The following CNNM2 variants were observed in gnomAD, a reference collection of about 807,000 sequenced individuals.
The protein encoded by CNNM2 is metal transporter CNNM2.
In CNNM2, 12 loss-of-function variants were observed where a neutral mutation model predicts 66.9. The ratio of observed to expected loss-of-function variants is 0.18; its 90% confidence interval spans 0.11 to 0.29. The LOEUF is 0.29. Among genes scored for constraint, CNNM2 ranks in the 10% least tolerant of loss-of-function variants. The probability of loss-of-function intolerance (pLI) is 1.00; values close to 1 mark genes in which losing one functional copy is unlikely to be tolerated. For missense variants in CNNM2, 705 were observed against 1,167.7 expected (o/e 0.60, Z 5.77); for synonymous variants, 557 against 501.8 (o/e 1.11, Z -1.47).
At chr10:102,960,815 C>A (rs1288412630) in intron 1 of CNNM2, among the ~76,000 whole-genome samples, 3 of 129,972 alleles carry the variant, frequency 2.3e-5, no homozygotes, top group African/African-American at 8.8e-5. Context: ...GAGATGGAGT[C>A]CTGCTCCGTC....
intron 1 of CNNM2, among the ~76,000 whole-genome samples, chr10:102,973,817 C>T (rs200877101): frequency 1.8e-3 from 7 of 3,848 alleles, no homozygotes; most frequent in Middle Eastern, 0.038. Flanking sequence ...TTCATGTATT[C>T]CCCCCCCCCC....
At chr10:103,068,519 T>A in intron 4 of CNNM2, 110 bp from the exon 5 acceptor site, 4 of 859,458 alleles carry the variant, frequency 4.7e-6, no homozygotes, top group Non-Finnish European at 7.7e-6. Context: ...CCCTCGATAG[T>A]GTTGGGAAAA....
rs948864110 is a variant in CNNM2, at chr10:103,084,801, G to A, written c.*7621G>A. The A allele has an allele frequency of 2.6e-5, 4 of 152,140 alleles. No individual in the cohort carries two copies. The highest frequency in any genetic ancestry group is 6.5e-5 in the Admixed American group (1 of 15,280). 9.4% of individuals were successfully genotyped at this position (152,140 alleles called of 1,614,324 possible). A position where few individuals can be genotyped will look rare whatever the true frequency, so the allele number is the denominator to read the frequency against. ...TGAGGAAACAAATATTGATCAGAGG[G>A]TCTTGTAGAGAAAGTGGTTAAAAAC... On this transcript the variant is annotated 3_prime_UTR_variant, in exon 8 of 8. Coordinates refer to ENST00000369878, the MANE Select transcript of CNNM2 (RefSeq NM_017649.5).
intron 1 of CNNM2, among the ~76,000 whole-genome samples, chr10:102,964,525 G>A (rs1410218876): frequency 6.6e-6 from 1 of 152,132 alleles, no homozygotes; most frequent in East Asian, 1.9e-4. Context: ...CACTGCGCCT[G>A]GCTAGATATT....
chr10:102,929,609 T>G (rs1455409064), intron 1 of CNNM2, among the ~76,000 whole-genome samples: 1 of 152,204 alleles, frequency 6.6e-6, no homozygotes, highest in African/African-American at 2.4e-5. Flanking sequence ...TCTACTTTCC[T>G]TAGAGTAAGA....
intron 4 of CNNM2, among the ~76,000 whole-genome samples, chr10:103,061,857 G>T (rs928981318): frequency 7.1e-6 from 1 of 140,678 alleles, no homozygotes; most frequent in African/African-American, 2.6e-5. Context: ...ACATTAATTG[G>T]GAAAGTAGTA....
chr10:102,939,102 G>A (rs1350789569), intron 1 of CNNM2, among the ~76,000 whole-genome samples: 2 of 152,138 alleles, frequency 1.3e-5, no homozygotes, highest in Non-Finnish European at 2.9e-5. Flanking sequence ...TAGCAAATTC[G>A]AAGATTTGTT....
chr10:103,015,420 G>A (rs2064424904), intron 1 of CNNM2, among the ~76,000 whole-genome samples: 1 of 152,134 alleles, frequency 6.6e-6, no homozygotes, highest in Admixed American at 6.5e-5. Context: ...GATTTGCACT[G>A]ATAGAACTGT....
intron 3 of CNNM2, among the ~76,000 whole-genome samples, chr10:103,055,252 CA>C (rs1416062255): frequency 6.6e-6 from 1 of 152,214 alleles, no homozygotes; most frequent in African/African-American, 2.4e-5. Context: ...CTTTAGAAGA[CA>C]TCGGTGTCCC....
chr10:103,067,418 C>T (rs1456325683), intron 4 of CNNM2, among the ~76,000 whole-genome samples: 1 of 152,174 alleles, frequency 6.6e-6, no homozygotes, highest in Non-Finnish European at 1.5e-5. Flanking sequence ...TGCTGATCCC[C>T]CCTCCCCTGA....
At chr10:102,943,746 A>G (rs1158603872) in intron 1 of CNNM2, among the ~76,000 whole-genome samples, 1 of 152,170 alleles carries the variant, frequency 6.6e-6, no homozygotes, top group Non-Finnish European at 1.5e-5. Flanking sequence ...ATATATGTGT[A>G]TAATATATGT....
intron 1 of CNNM2, among the ~76,000 whole-genome samples, chr10:102,985,113 A>C (rs1409854184): frequency 6.6e-6 from 1 of 151,992 alleles, no homozygotes; most frequent in Non-Finnish European, 1.5e-5. Flanking sequence ...TTTTCTTTTT[A>C]ACTTTCTGCA....
intron 1 of CNNM2, among the ~76,000 whole-genome samples, chr10:103,032,287 T>TA (rs2064840924): frequency 1.3e-5 from 2 of 151,746 alleles, no homozygotes; most frequent in Non-Finnish European, 2.9e-5. Context: ...CCATCTCTAC[T>TA]AAAAAAGACA....
chr10:103,015,329 C>G (rs1485321276), intron 1 of CNNM2, among the ~76,000 whole-genome samples: 1 of 152,088 alleles, frequency 6.6e-6, no homozygotes, highest in East Asian at 1.9e-4. Flanking sequence ...TGTGCTTACC[C>G]AATTTTTGAC....
At chr10:102,932,755 T>C (rs1429062097) in intron 1 of CNNM2, among the ~76,000 whole-genome samples, 1 of 151,418 alleles carries the variant, frequency 6.6e-6, no homozygotes, top group African/African-American at 2.4e-5. Context: ...CCGTCTCTAC[T>C]AAAAATACAA....
At chr10:103,059,000 A>G (rs897304538) in intron 4 of CNNM2, among the ~76,000 whole-genome samples, 1 of 152,054 alleles carries the variant, frequency 6.6e-6, no homozygotes, top group East Asian at 1.9e-4. Context: ...TTGAGAGGGA[A>G]TCTTGCTCTG....
intron 1 of CNNM2, among the ~76,000 whole-genome samples, chr10:103,026,339 C>T (rs1201823169): frequency 6.6e-6 from 1 of 152,048 alleles, no homozygotes; most frequent in African/African-American, 2.4e-5. Context: ...GTGGCTCATG[C>T]CTGTAATCCC....
intron 1 of CNNM2, among the ~76,000 whole-genome samples, chr10:102,998,797 G>A (rs1426632102): frequency 6.6e-6 from 1 of 152,070 alleles, no homozygotes; most frequent in Non-Finnish European, 1.5e-5. Context: ...TGGCCAACAT[G>A]GTGAAACCCT....
intron 3 of CNNM2, among the ~76,000 whole-genome samples, chr10:103,055,522 A>G (rs2065281333): frequency 6.6e-6 from 1 of 152,276 alleles, no homozygotes; most frequent in East Asian, 1.9e-4. Context: ...ATACATGAGC[A>G]CACGTGCCTG....
Sources: allele counts gnomAD v4.1 joint callset (sites outside exome capture counted in the v4.1 genomes callset), GRCh38; gene constraint gnomAD v4.1.1; transcripts MANE v1.5; gene names NCBI Gene and HGNC (gene_info 2026-07-23, HGNC 2026-07-21).